SCIMP: variants seen among roughly 807,000 people sequenced by gnomAD.
SCIMP encodes the protein SLP adapter and CSK-interacting membrane protein.
A neutral mutation model predicts 22.0 loss-of-function variants in SCIMP; 18 were observed. That is an observed-to-expected ratio of 0.82 (90% confidence interval 0.56 to 1.21). The LOEUF (loss-of-function observed/expected upper bound fraction) is 1.21, where lower values mean the gene tolerates loss of function less well. SCIMP is among the 50% of genes most tolerant of loss of function. The pLI is 0.00. For missense variants in SCIMP, 155 were observed against 171.2 expected (o/e 0.91, Z 0.53); for synonymous variants, 53 against 62.2 (o/e 0.85, Z 0.70).
At chr17:5,225,156 C>G (rs2074637468) in intron 1 of SCIMP, among the ~76,000 whole-genome samples, 1 of 152,166 alleles carries the variant, frequency 6.6e-6, no homozygotes, top group African/African-American at 2.4e-5. Context: ...TTGTTACCAT[C>G]AAACCTCCAA....
intron 3 of SCIMP, among the ~76,000 whole-genome samples, chr17:5,219,633 T>C (rs2144320633): frequency 6.6e-6 from 1 of 152,050 alleles, no homozygotes; most frequent in East Asian, 1.9e-4. Flanking sequence ...ATCTCGTAAA[T>C]AAATAAATAA....
chr17:5,217,027 G>A (rs2074570144), intron 3 of SCIMP, among the ~76,000 whole-genome samples: 1 of 152,080 alleles, frequency 6.6e-6, no homozygotes, highest in Admixed American at 6.6e-5. Flanking sequence ...ACATTTTTAG[G>A]TTGTTAGGTT....
intron 1 of SCIMP, among the ~76,000 whole-genome samples, chr17:5,227,292 AACACACACAC>A (rs10681110): frequency 6.9e-5 from 10 of 144,216 alleles, no homozygotes; most frequent in African/African-American, 1.6e-4. Flanking sequence ...ACACACACAC[AACACACACAC>A]ACACACACAC....
At chr17:5,213,022 C>CTTCTTTTTTTTTTTTTTTGAGGTGGTAAA in intron 4 of SCIMP, 2 of 556,712 alleles carry the variant, frequency 3.6e-6, no homozygotes, top group Non-Finnish European at 4.5e-6. Context: ...GAGGTGGTAA[C>CTTCTTTTTTTTTTTTTTTGAGGTGGTAAA]TTCTGAGCTG....
intron 2 of SCIMP, among the ~76,000 whole-genome samples, chr17:5,222,234 C>T (rs979299824): frequency 6.6e-6 from 1 of 151,358 alleles, no homozygotes; most frequent in Non-Finnish European, 1.5e-5. Context: ...GGACTACAGG[C>T]GCCTGCCACC....
At chr17:5,213,181 T>C in intron 4 of SCIMP, 1 of 985,098 alleles carries the variant, frequency 1.0e-6, no homozygotes, top group Non-Finnish European at 1.2e-6. Flanking sequence ...AGCTGGGATT[T>C]GAACATGAAT....
At chr17:5,212,028 A>G (rs1194170195) in intron 4 of SCIMP, among the ~76,000 whole-genome samples, 1 of 152,048 alleles carries the variant, frequency 6.6e-6, no homozygotes, top group East Asian at 1.9e-4. Context: ...AGCCTGGGCA[A>G]CAGAGCGAGA....
At chr17:5,224,868 G>A (rs2074635411) in intron 1 of SCIMP, among the ~76,000 whole-genome samples, 1 of 152,194 alleles carries the variant, frequency 6.6e-6, no homozygotes, top group South Asian at 2.1e-4. Context: ...GTCTCTTTGA[G>A]TGAGTTATGG....
intron 1 of SCIMP, among the ~76,000 whole-genome samples, chr17:5,227,460 C>A (rs908147559): frequency 1.3e-5 from 2 of 152,152 alleles, no homozygotes; most frequent in Admixed American, 6.5e-5. Context: ...AAGTGATCCG[C>A]ATGCCTCGGC....
chr17:5,228,345 C>CAAAAA (rs11444866), intron 1 of SCIMP, among the ~76,000 whole-genome samples: 3 of 139,310 alleles, frequency 2.2e-5, no homozygotes, highest in African/African-American at 8.0e-5. Flanking sequence ...AATCTTGTCT[C>CAAAAA]AAAAAAAAAA....
At chr17:5,217,380 T>TTG (rs10554192) in intron 3 of SCIMP, among the ~76,000 whole-genome samples, 7,236 of 148,990 alleles carry the variant, frequency 0.049, 345 homozygotes, top group African/African-American at 0.12. Context: ...TTTTGTTTGC[T>TTG]TGTGTGTGTG....
In SCIMP at chr17:5,214,889, C is replaced by T. The variant is rs773654664; in HGVS notation, c.283+36G>A. On this transcript the variant is annotated intron_variant, in intron 4 of 4. Coordinates refer to ENST00000574081, the MANE Select transcript of SCIMP (RefSeq NM_207103.3). ...ACACCTTGATAAACTCGTTATCTTA[C>T]CCTAAATGAAACTGCTACCAGTAAA... 11 of 1,053,536 alleles carry T rather than the reference C, an allele frequency of 1.0e-5. No individual in the cohort carries two copies. The Admixed American group carries it at 1.8e-4, about 17-fold the overall frequency. 65.3% of individuals were successfully genotyped at this position (1,053,536 alleles called of 1,614,324 possible).
intron 1 of SCIMP, among the ~76,000 whole-genome samples, chr17:5,234,181 G>T (rs1389401009): frequency 6.6e-6 from 1 of 152,172 alleles, no homozygotes; most frequent in African/African-American, 2.4e-5. Context: ...TGAGGCAGGA[G>T]AATCGCTTGA....
At chr17:5,215,334 C>T (rs1243212037) in intron 3 of SCIMP, 5 of 194,436 alleles carry the variant, frequency 2.6e-5, no homozygotes, top group East Asian at 1.3e-4. Context: ...ACAGATGAGC[C>T]GGGCATGGTG....
intron 4 of SCIMP, among the ~76,000 whole-genome samples, chr17:5,211,468 G>A (rs1230307736): frequency 2.0e-5 from 3 of 151,096 alleles, no homozygotes; most frequent in African/African-American, 4.9e-5. Context: ...AGGCTACAAC[G>A]AGCCATGATC....
chr17:5,231,929 G>A (rs928490292), intron 1 of SCIMP, among the ~76,000 whole-genome samples: 3 of 152,158 alleles, frequency 2.0e-5, no homozygotes, highest in Admixed American at 6.5e-5. Context: ...GGTGGCAGGC[G>A]CCTGTAGTCC....
chr17:5,232,876 A>T (rs1373617117), intron 1 of SCIMP, among the ~76,000 whole-genome samples: 1 of 151,856 alleles, frequency 6.6e-6, no homozygotes, highest in Non-Finnish European at 1.5e-5. Context: ...TACCCGGCTA[A>T]TTTTTGTGTA....
intron 1 of SCIMP, among the ~76,000 whole-genome samples, chr17:5,228,162 A>C (rs2144341391): frequency 6.6e-6 from 1 of 151,750 alleles, no homozygotes; most frequent in Admixed American, 6.6e-5. Flanking sequence ...ACAGAGCTAG[A>C]CTCCTTCTCC....
intron 1 of SCIMP, among the ~76,000 whole-genome samples, chr17:5,230,150 C>T (rs1410731455): frequency 6.6e-6 from 1 of 152,114 alleles, no homozygotes; most frequent in East Asian, 1.9e-4. Flanking sequence ...TTCCTGTTCC[C>T]ACTTAGCTGT....
Sources: allele counts gnomAD v4.1 joint callset (sites outside exome capture counted in the v4.1 genomes callset), GRCh38; gene constraint gnomAD v4.1.1; transcripts MANE v1.5; gene names NCBI Gene and HGNC (gene_info 2026-07-23, HGNC 2026-07-21).